The following TCF4 variants were observed in gnomAD, a reference collection of about 807,000 sequenced individuals.
The protein encoded by TCF4 is SL3-3 enhancer factor 2.
TCF4 carries 3 observed loss-of-function variants against 82.1 expected under a neutral mutation model. That is an observed-to-expected ratio of 0.04 (90% CI 0.02 to 0.09). TCF4 has a LOEUF of 0.09. Among genes scored for constraint, TCF4 ranks in the 10% least tolerant of loss-of-function variants. The pLI, the probability that TCF4 is intolerant of heterozygous loss-of-function variation, is 1.00. For missense variants in TCF4, 518 were observed against 852.7 expected, an observed-to-expected ratio of 0.61 and a Z score of 4.89; for synonymous variants, 276 against 309.6, an observed-to-expected ratio of 0.89 and a Z score of 1.14.
chr18:55,457,791 C>T (rs1488636089), intron 5 of TCF4, among the ~76,000 whole-genome samples: 1 of 152,082 alleles, frequency 6.6e-6, no homozygotes, highest in African/African-American at 2.4e-5. Flanking sequence ...ATTTCAGTGC[C>T]AAATAGAAGT....
At chr18:55,560,067 T>A (rs2097341794) in intron 3 of TCF4, among the ~76,000 whole-genome samples, 1 of 152,208 alleles carries the variant, frequency 6.6e-6, no homozygotes, top group African/African-American at 2.4e-5. Flanking sequence ...CATAATAATA[T>A]ATATTCATTA....
intron 6 of TCF4, among the ~76,000 whole-genome samples, chr18:55,362,601 T>C (rs1018426463): frequency 1.3e-5 from 2 of 152,204 alleles, no homozygotes; most frequent in Admixed American, 1.3e-4. Context: ...TTACTCAATA[T>C]TCACACACAA....
At chr18:55,432,176 G>A (rs569970439) in intron 5 of TCF4, among the ~76,000 whole-genome samples, 8 of 152,176 alleles carry the variant, frequency 5.3e-5, no homozygotes, top group South Asian at 2.1e-4. Flanking sequence ...GGTGGCACAC[G>A]CCTGTAGTCC....
At chr18:55,618,518 TTA>T (rs1238988601) in intron 2 of TCF4, among the ~76,000 whole-genome samples, 1 of 152,220 alleles carries the variant, frequency 6.6e-6, no homozygotes, top group East Asian at 1.9e-4. Context: ...TTTGTCAATT[TTA>T]TCTTTTTAAA....
chr18:55,292,791 T>C (rs974919311), intron 8 of TCF4, among the ~76,000 whole-genome samples: 1 of 151,806 alleles, frequency 6.6e-6, no homozygotes, highest in Admixed American at 6.6e-5. Flanking sequence ...CATATATGTA[T>C]ATACACATAC....
chr18:55,310,986 T>G (rs556269496), intron 8 of TCF4, among the ~76,000 whole-genome samples: 1 of 152,322 alleles, frequency 6.6e-6, no homozygotes, highest in East Asian at 1.9e-4. Context: ...CAACATATTC[T>G]AACAGCTGCT....
chr18:55,247,366 C>T (rs1487173519), intron 15 of TCF4, among the ~76,000 whole-genome samples: 10 of 152,148 alleles, frequency 6.6e-5, no homozygotes, highest in Admixed American at 5.2e-4. Flanking sequence ...ACTGAGGCTA[C>T]AACATAACAT....
At chr18:55,407,119 C>T (rs1033162880) in intron 5 of TCF4, among the ~76,000 whole-genome samples, 9 of 152,040 alleles carry the variant, frequency 5.9e-5, no homozygotes, top group Non-Finnish European at 1.0e-4. Context: ...ATACCAGAAA[C>T]AAATCTTGTC....
intron 6 of TCF4, among the ~76,000 whole-genome samples, chr18:55,366,014 ATATAGATATAG>A (rs2145401429): frequency 8.8e-6 from 1 of 113,808 alleles, no homozygotes; most frequent in Non-Finnish European, 1.8e-5. Flanking sequence ...ATAGATATAG[ATATAGATATAG>A]ATATATAAGA....
chr18:55,619,563 T>A (rs1038059238), intron 2 of TCF4, among the ~76,000 whole-genome samples: 1 of 152,214 alleles, frequency 6.6e-6, no homozygotes, highest in Admixed American at 6.5e-5. Flanking sequence ...TTTGGTTCTT[T>A]GAAAATATAT....
chr18:55,605,902 CA>C lies in TCF4; in HGVS notation c.287-18767del, dbSNP rs2097701788. On this transcript the variant is annotated intron_variant, in intron 2 of 20. Transcript: ENST00000398339. ...TGCTGCTTTCAAGAGCAGTGGTTCCCAAAAAGTGGTTCTCAGACCAATTGTG... is the reference window on the plus strand; with the variant it reads ...TGCTGCTTTCAAGAGCAGTGGTTCCCAAAAGTGGTTCTCAGACCAATTGTG... 2.0e-5 allele frequency among the ~76,000 whole-genome samples: 3 copies of C among 152,132 alleles called. No homozygotes were observed. The South Asian group carries it at 6.2e-4, about 31-fold the overall frequency.
At chr18:55,525,917 A>G (rs1468985192) in intron 3 of TCF4, among the ~76,000 whole-genome samples, 3 of 152,206 alleles carry the variant, frequency 2.0e-5, no homozygotes, top group Admixed American at 6.5e-5. Context: ...ATTATTACTG[A>G]TAATAATTCT....
chr18:55,314,467 ATC>A (rs1270467273), intron 8 of TCF4, among the ~76,000 whole-genome samples: 87 of 152,072 alleles, frequency 5.7e-4, no homozygotes, highest in African/African-American at 2.1e-3. Flanking sequence ...TTTTAATCAC[ATC>A]AGTACTTAAC....
intron 8 of TCF4, among the ~76,000 whole-genome samples, chr18:55,305,313 C>A (rs867685926): frequency 6.6e-6 from 1 of 152,100 alleles, no homozygotes; most frequent in Non-Finnish European, 1.5e-5. Flanking sequence ...ATTATAACTA[C>A]AATTTTTCGA....
intron 16 of TCF4, 136 bp from the exon 17 acceptor site, chr18:55,232,807 G>C: frequency 8.6e-7 from 1 of 1,169,406 alleles, no homozygotes; most frequent in South Asian, 1.3e-5. Context: ...CCTGCTATCT[G>C]TTGAAGTTTC....
At chr18:55,600,511 C>T (rs17061809) in intron 2 of TCF4, among the ~76,000 whole-genome samples, 2 of 152,096 alleles carry the variant, frequency 1.3e-5, no homozygotes, top group East Asian at 1.9e-4. Flanking sequence ...ACAGTGGAAC[C>T]GTACACATGG....
chr18:55,318,623 C>T (rs967001500), intron 8 of TCF4, among the ~76,000 whole-genome samples: 4 of 151,942 alleles, frequency 2.6e-5, no homozygotes, highest in South Asian at 2.1e-4. Flanking sequence ...TCTTGTGTTA[C>T]GATTTTTTGT....
At chr18:55,400,902 G>C (rs993037441) in intron 6 of TCF4, 11 of 1,211,760 alleles carry the variant, frequency 9.1e-6, no homozygotes, top group Non-Finnish European at 1.2e-5. Context: ...GCAGCTTTTG[G>C]AGCTCCTTAG....
At chr18:55,586,150 G>GCAGCAGCAGCAGCAGC (rs2097644476) in intron 2 of TCF4, 3 of 1,222,984 alleles carry the variant, frequency 2.5e-6, no homozygotes, top group Non-Finnish European at 2.2e-6. Context: ...GGAGGAGGAG[G>GCAGCAGCAGCAGCAGC]AGGAGCAGCA....
Sources: allele counts gnomAD v4.1 joint callset (sites outside exome capture counted in the v4.1 genomes callset), GRCh38; gene constraint gnomAD v4.1.1; transcripts MANE v1.5; gene names NCBI Gene and HGNC (gene_info 2026-07-23, HGNC 2026-07-21).